Variants in RABGAP1 observed in about 807,000 individuals in gnomAD.
RABGAP1 encodes rab GTPase-activating protein 1.
RABGAP1 carries 23 observed loss-of-function variants against 137.6 expected under a neutral mutation model. The observed-to-expected ratio is 0.17, with a 90% CI of 0.12 to 0.24. The LOEUF is 0.24. Ranked by LOEUF, RABGAP1 falls within the 10% of genes least tolerant of loss-of-function variation. The pLI is 1.00. For missense variants in RABGAP1, 906 were observed against 1,275.8 expected (o/e 0.71, Z 4.42); for synonymous variants, 451 against 450.7 (o/e 1.00, Z -0.01).
Position 123,090,488 on chromosome 9 carries a change from A to G in RABGAP1, c.2628+103A>G, listed in dbSNP as rs1188811734. ...AGTGATTGTTATTCTAGCCACCTGTAAAGTTTCCCGCTTGTGATACAACTT... is the reference window on the plus strand; with the variant it reads ...AGTGATTGTTATTCTAGCCACCTGTGAAGTTTCCCGCTTGTGATACAACTT... On this transcript the variant is annotated intron_variant, in intron 21 of 25. Coordinates refer to ENST00000373647, the MANE Select transcript of RABGAP1 (RefSeq NM_012197.4). The G allele has an allele frequency of 1.6e-5, 14 of 898,686 alleles. No individual in the cohort carries two copies. The East Asian group carries it at 4.1e-4, about 26-fold the overall frequency. 55.7% of individuals were successfully genotyped at this position (898,686 alleles called of 1,614,324 possible).
At chr9:122,951,982 C>T (rs1191561069) in intron 1 of RABGAP1, among the ~76,000 whole-genome samples, 1 of 152,126 alleles carries the variant, frequency 6.6e-6, no homozygotes, top group Non-Finnish European at 1.5e-5. Flanking sequence ...GCAAAAAGTT[C>T]ATGGAGTTTT....
intron 5 of RABGAP1, 102 bp from the exon 6 acceptor site, chr9:122,989,954 T>C: frequency 7.9e-7 from 1 of 1,272,596 alleles, no homozygotes; most frequent in Non-Finnish European, 1.1e-6. Context: ...ATAAGTGGGA[T>C]AAAGATAATT....
chr9:123,039,383 T>C (rs1275755426), intron 13 of RABGAP1, among the ~76,000 whole-genome samples: 1 of 152,176 alleles, frequency 6.6e-6, no homozygotes, highest in Non-Finnish European at 1.5e-5. Context: ...CAATCTGACC[T>C]AGGACCTGGC....
chr9:123,066,933 G>A (rs1055127182), intron 14 of RABGAP1, among the ~76,000 whole-genome samples: 2 of 152,150 alleles, frequency 1.3e-5, no homozygotes, highest in Non-Finnish European at 2.9e-5. Flanking sequence ...ATTTATCAAT[G>A]TATTGTCACA....
At chr9:122,996,431 A>G in intron 7 of RABGAP1, 108 bp from the exon 8 acceptor site, 1 of 1,161,352 alleles carries the variant, frequency 8.6e-7, no homozygotes, top group Non-Finnish European at 1.2e-6. Flanking sequence ...TGATAACTCT[A>G]ATGTGTTCTC....
rs555420480 is a variant in RABGAP1, at chr9:123,035,610, T to C, written c.1794+15151T>C. 2.1e-5 allele frequency: 33 copies of C among 1,574,900 alleles called. No homozygotes were observed. The East Asian group carries it at 6.7e-4, about 32-fold the overall frequency. ...GCAAAGGCCCTCTTAATGGATGTCATATCTGAAGTGGCTCAGTTACGGGGT... is the reference window on the plus strand; with the variant it reads ...GCAAAGGCCCTCTTAATGGATGTCACATCTGAAGTGGCTCAGTTACGGGGT... On this transcript the variant is annotated intron_variant, in intron 13 of 25. Transcript: ENST00000373647.
At chr9:122,984,443 A>G (rs764068640) in intron 2 of RABGAP1, 42 bp from the exon 3 acceptor site, 3 of 1,550,246 alleles carry the variant, frequency 1.9e-6, no homozygotes, top group Non-Finnish European at 2.7e-6. Flanking sequence ...ATACTGGCCA[A>G]TCTTTGTCAC....
intron 13 of RABGAP1, among the ~76,000 whole-genome samples, chr9:123,031,849 G>C (rs1322670661): frequency 6.6e-6 from 1 of 152,208 alleles, no homozygotes; most frequent in Non-Finnish European, 1.5e-5. Context: ...GTGACTAGCA[G>C]GCAAATTGTA....
chr9:123,005,284 TG>T (rs1259024394), intron 10 of RABGAP1, among the ~76,000 whole-genome samples: 1 of 95,856 alleles, frequency 1.0e-5, no homozygotes, highest in Admixed American at 1.1e-4. Context: ...CTTAGGGGCT[TG>T]GGATTTTTTT....
chr9:123,070,843 C>T lies in RABGAP1; in HGVS notation c.1983+419C>T, dbSNP rs2034331540. Among the ~76,000 whole-genome samples the T allele has an allele frequency of 1.3e-5, 2 of 152,132 alleles. No homozygotes were observed. Among genetic ancestry groups the T allele is most frequent in the Admixed American group, 6.5e-5 (1 of 15,274 alleles). ...CATTGGCTTAGCAAACACCTTTGCC[C>T]TCCACCTTTTTTATTTTCTTTCAAA... On this transcript the variant is annotated intron_variant, in intron 15 of 25. Transcript: ENST00000373647. The surrounding 1 kb of genome is among the most constrained non-coding windows in gnomAD (Gnocchi z 4.4).
intron 2 of RABGAP1, among the ~76,000 whole-genome samples, chr9:122,968,398 T>C (rs1835289260): frequency 6.6e-6 from 1 of 151,738 alleles, no homozygotes; most frequent in South Asian, 2.1e-4. Context: ...AATTTTCATA[T>C]TTTTAGTAGA....
intron 2 of RABGAP1, among the ~76,000 whole-genome samples, chr9:122,970,221 TTTTC>T (rs1218298933): frequency 1.3e-5 from 2 of 151,966 alleles, no homozygotes; most frequent in African/African-American, 4.8e-5. Flanking sequence ...GTCCTGGAAT[TTTTC>T]TTTGTTTCTG....
intron 13 of RABGAP1, chr9:123,034,597 A>G: frequency 6.2e-7 from 1 of 1,611,350 alleles, no homozygotes; most frequent in Non-Finnish European, 8.5e-7. Context: ...TAATCAGAGC[A>G]GCCACCCTTT....
At chr9:123,093,160 G>T (rs1004258213) in intron 21 of RABGAP1, among the ~76,000 whole-genome samples, 4 of 152,174 alleles carry the variant, frequency 2.6e-5, no homozygotes, top group African/African-American at 9.7e-5. Context: ...GCATCTCAGA[G>T]AAAAGCTCTG....
rs2035356493 is a variant in RABGAP1 at position 123,101,871 on chromosome 9, A to C, written c.3087+108A>C. ...TTTGGGGTTTTTCCACACCTTTTAA[A>C]CTTTGGTCACAGTTGTCATGAGAAG... is the stretch of plus-strand genomic sequence containing the variant. On this transcript the variant is annotated intron_variant, in intron 25 of 25. Transcript: ENST00000373647. The C allele has an allele frequency of 2.5e-6, 3 of 1,188,676 alleles. No individual in the cohort carries two copies. The South Asian group carries it at 5.6e-5, about 22-fold the overall frequency. The allele number at this position is 1,188,676 out of a possible 1,614,324, so 73.6% of individuals were successfully genotyped here.
chr9:123,012,980 C>A (rs1411128689), intron 11 of RABGAP1, among the ~76,000 whole-genome samples: 1 of 152,022 alleles, frequency 6.6e-6, no homozygotes, highest in Non-Finnish European at 1.5e-5. Flanking sequence ...TGGCAGAAAC[C>A]CAGAAATTAT....
At chr9:122,979,213 A>G (rs1374247586) in intron 2 of RABGAP1, among the ~76,000 whole-genome samples, 1 of 152,166 alleles carries the variant, frequency 6.6e-6, no homozygotes, top group Non-Finnish European at 1.5e-5. Flanking sequence ...TCATTCTTAT[A>G]AGGGTATAGA....
intron 6 of RABGAP1, among the ~76,000 whole-genome samples, chr9:122,991,028 T>C (rs1366739430): frequency 6.6e-6 from 1 of 151,304 alleles, no homozygotes; most frequent in African/African-American, 2.4e-5. Context: ...TCTAATCTTT[T>C]GTAGGGTTAG....
chr9:122,978,197 G>C (rs1447444329), intron 2 of RABGAP1, among the ~76,000 whole-genome samples: 2 of 152,090 alleles, frequency 1.3e-5, no homozygotes, highest in African/African-American at 2.4e-5. Context: ...CCCCTTCCCT[G>C]ATAACCAGTG....
Sources: allele counts gnomAD v4.1 joint callset (sites outside exome capture counted in the v4.1 genomes callset), GRCh38; gene constraint gnomAD v4.1.1; non-coding constraint Gnocchi (gnomAD v3.1); transcripts MANE v1.5; gene names NCBI Gene and HGNC (gene_info 2026-07-23, HGNC 2026-07-21).